DPH6: variants seen among roughly 807,000 people sequenced by gnomAD.
The protein encoded by DPH6 is diphthamine biosynthesis 6, also known as diphthine--ammonia ligase.
DPH6 carries 33 observed loss-of-function variants against 38.2 expected under a neutral mutation model. That is an observed-to-expected ratio of 0.86 (90% CI 0.65 to 1.15). DPH6 has a LOEUF of 1.15. Among genes scored for constraint, DPH6 ranks in the 50% most tolerant of loss-of-function variants. The probability of loss-of-function intolerance (pLI) is 0.00; values close to 1 mark genes in which losing one functional copy is unlikely to be tolerated. For synonymous variants in DPH6, 108 were observed against 103.0 expected, an observed-to-expected ratio of 1.05 and a Z score of -0.30; for missense variants, 325 against 320.0, an observed-to-expected ratio of 1.02 and a Z score of -0.12.
the DPH6 span, among the ~76,000 whole-genome samples, chr15:35,148,338 G>A: frequency 6.6e-6 from 1 of 152,082 alleles, no homozygotes; most frequent in African/African-American, 2.4e-5. Flanking sequence ...CATATTTACA[G>A]GGAACATTAT....
chr15:35,340,158 T>A (rs1250260160), intron 3 of DPH6, among the ~76,000 whole-genome samples: 1 of 152,204 alleles, frequency 6.6e-6, no homozygotes, highest in Admixed American at 6.5e-5. Flanking sequence ...TTTTGATCTT[T>A]GTTGGTTTAA....
chr15:35,438,860 T>C (rs1281031967), intron 5 of DPH6, among the ~76,000 whole-genome samples: 1 of 152,236 alleles, frequency 6.6e-6, no homozygotes, highest in Non-Finnish European at 1.5e-5. Flanking sequence ...CCTGGGTTTA[T>C]AGGATTATTT....
At chr15:35,271,322 T>C (rs901139342) in intron 3 of DPH6, among the ~76,000 whole-genome samples, 3 of 152,134 alleles carry the variant, frequency 2.0e-5, no homozygotes, top group Non-Finnish European at 4.4e-5. Context: ...TACCCCCAAT[T>C]GGGTAGCTTT....
At position 35,538,467 on chromosome 15, in the gene DPH6, A is replaced by G; in HGVS notation, c.119T>C (p.Val40Ala). Residue 40 changes from valine (V) to alanine (A), a missense_variant and splice_region_variant, in exon 3 of 9, where the codon GTG (valine) becomes GCG (alanine). Physicochemically the swap from Val to Ala is moderately conservative, Grantham distance 64. Coordinates refer to ENST00000256538, the MANE Select transcript of DPH6 (RefSeq NM_080650.4). The part of the protein sequence containing the change: ...LANLRPAENQ[V>A]GSDELDSYMY... Reference sequence around the variant, plus strand: ...GTAGCTATCCAGTTCATCAGACCCCACTGCAACAATTAAAATGGAAATAAT... The same window carrying G: ...GTAGCTATCCAGTTCATCAGACCCCGCTGCAACAATTAAAATGGAAATAAT... 1.3e-6 allele frequency: 2 copies of G among 1,514,310 alleles called. No homozygotes were observed. The highest frequency in any genetic ancestry group is 1.8e-6 in the Non-Finnish European group (2 of 1,115,156). The allele number at this position is 1,514,310 out of a possible 1,614,324, so 93.8% of individuals were successfully genotyped here. A position where few individuals can be genotyped will look rare whatever the true frequency, so the allele number is the denominator to read the frequency against.
intron 3 of DPH6, chr15:35,331,134 T>C (rs1172906910): frequency 1.3e-5 from 2 of 152,156 alleles, no homozygotes; most frequent in South Asian, 2.1e-4. Flanking sequence ...ATGACAGATG[T>C]CAAATAAACA....
chr15:35,211,142 G>GT, the DPH6 span, among the ~76,000 whole-genome samples: 1 of 151,566 alleles, frequency 6.6e-6, no homozygotes, highest in Non-Finnish European at 1.5e-5. Context: ...ATAAAACCCT[G>GT]TTTTTTCACT....
intron 7 of DPH6, among the ~76,000 whole-genome samples, chr15:35,374,050 A>T (rs773599962): frequency 3.3e-5 from 5 of 152,032 alleles, no homozygotes; most frequent in African/African-American, 4.8e-5. Flanking sequence ...AGTACTGGTG[A>T]TGATTTTAAG....
At chr15:35,204,802 A>T in the DPH6 span, among the ~76,000 whole-genome samples, 1 of 151,948 alleles carries the variant, frequency 6.6e-6, no homozygotes, top group African/African-American at 2.4e-5. Flanking sequence ...ATCTTCCTAA[A>T]ACAACCACAA....
At chr15:35,400,815 C>A in intron 6 of DPH6, 1 of 763,498 alleles carries the variant, frequency 1.3e-6, no homozygotes, top group Non-Finnish European at 2.4e-6. Flanking sequence ...TGCTCACGGA[C>A]TGTGTGATAA....
intron 3 of DPH6, among the ~76,000 whole-genome samples, chr15:35,355,302 TTA>T (rs1315167291): frequency 6.6e-6 from 1 of 152,212 alleles, no homozygotes. Context: ...GTTAATATTG[TTA>T]TGTGTGAATT....
intron 3 of DPH6, among the ~76,000 whole-genome samples, chr15:35,251,906 T>C (rs1270652365): frequency 6.6e-6 from 1 of 152,142 alleles, no homozygotes; most frequent in Admixed American, 6.5e-5. Context: ...TGGGAGGCTG[T>C]GGCAGGTTTA....
intron 3 of DPH6, chr15:35,520,521 C>A: frequency 1.0e-6 from 1 of 984,218 alleles, no homozygotes; most frequent in Non-Finnish European, 1.2e-6. Flanking sequence ...CAATTAAGTA[C>A]AGTGTCAAAG....
intron 3 of DPH6, among the ~76,000 whole-genome samples, chr15:35,470,993 C>G (rs1006245248): frequency 1.1e-4 from 17 of 151,914 alleles, no homozygotes; most frequent in African/African-American, 3.9e-4. Context: ...AATAGAAGAC[C>G]TGAGTTAAAA....
At chr15:35,392,614 A>T (rs995619435) in intron 6 of DPH6, among the ~76,000 whole-genome samples, 5 of 152,218 alleles carry the variant, frequency 3.3e-5, no homozygotes, top group African/African-American at 9.6e-5. Context: ...TAAAAATGGG[A>T]GCAGCCATGT....
In DPH6 at chr15:35,515,721, A is replaced by AG. The variant is rs1362399698; in HGVS notation, c.312+22552dup. ...GGGCGTCAGAGCGAGACTCCGTCTC[A>AG]GAAAAAAAAAAAAAAAAAAAAAAAA... is the stretch of plus-strand genomic sequence containing the variant. On this transcript the variant is annotated intron_variant, in intron 3 of 8. Transcript: ENST00000256538. Among the ~76,000 whole-genome samples, 20 of 75,200 alleles carry AG rather than the reference A, an allele frequency of 2.7e-4. 2 individuals carry two copies. The highest frequency in any genetic ancestry group is 8.2e-4 in the African/African-American group (17 of 20,662). The allele number at this position is 75,200 out of a possible 152,430, so 49.3% of individuals were successfully genotyped here. A position where few individuals can be genotyped will look rare whatever the true frequency, so the allele number is the denominator to read the frequency against.
At chr15:35,424,129 T>C (rs2053540125) in intron 5 of DPH6, among the ~76,000 whole-genome samples, 1 of 151,730 alleles carries the variant, frequency 6.6e-6, no homozygotes. Flanking sequence ...AGGATTACAT[T>C]GAATCTGTAG....
At chr15:35,393,043 T>C (rs551755997) in intron 6 of DPH6, among the ~76,000 whole-genome samples, 7 of 152,310 alleles carry the variant, frequency 4.6e-5, no homozygotes, top group African/African-American at 1.7e-4. Context: ...GTCATTATCC[T>C]AAGGTCAGAG....
the DPH6 span, among the ~76,000 whole-genome samples, chr15:35,163,237 T>G: frequency 1.3e-5 from 2 of 151,852 alleles, no homozygotes; most frequent in Admixed American, 6.6e-5. Flanking sequence ...TTCTCTTCCC[T>G]TTTCGTTTTT....
At chr15:35,487,231 C>T in intron 3 of DPH6, among the ~76,000 whole-genome samples, 1 of 152,222 alleles carries the variant, frequency 6.6e-6, no homozygotes, top group Admixed American at 6.5e-5. Flanking sequence ...CAGTGGCCCT[C>T]TTCTCACAGC....
Sources: gnomAD v4.1 joint callset for allele counts (sites outside exome capture counted in the v4.1 genomes callset) on GRCh38, gnomAD v4.1.1 for gene constraint, MANE v1.5 for transcripts, NCBI Gene and HGNC (gene_info 2026-07-23, HGNC 2026-07-21) for gene names.